Variants in PZP observed in about 807,000 individuals in gnomAD.
PZP encodes PZP alpha-2-macroglobulin like.
A neutral mutation model predicts 179.8 loss-of-function variants in PZP; 150 were observed. The ratio of observed to expected loss-of-function variants is 0.83; its 90% CI spans 0.73 to 0.96. PZP has a LOEUF of 0.96. Among genes scored for constraint, PZP ranks in the 40% least tolerant of loss-of-function variants. The pLI, the probability that PZP is intolerant of heterozygous loss-of-function variation, is 0.00. For missense variants in PZP, 1,689 were observed against 1,764.0 expected (o/e 0.96, Z 0.76); for synonymous variants, 624 against 652.3 (o/e 0.96, Z 0.66).
At chr12:9,155,086 A>G (rs1270718501) in intron 28 of PZP, among the ~76,000 whole-genome samples, 2 of 152,174 alleles carry the variant, frequency 1.3e-5, no homozygotes, top group Non-Finnish European at 2.9e-5. Context: ...AATCTCTCCA[A>G]TGTTATTTTA....
At chr12:9,153,933 A>C (rs1303826267) in intron 29 of PZP, among the ~76,000 whole-genome samples, 1 of 152,228 alleles carries the variant, frequency 6.6e-6, no homozygotes, top group African/African-American at 2.4e-5. Context: ...AGAAAAATAC[A>C]TTTTCAAGAG....
chr12:9,156,292 A>C (rs1487077427), intron 28 of PZP: 2 of 212,780 alleles, frequency 9.4e-6, no homozygotes, highest in African/African-American at 4.6e-5. Flanking sequence ...CATCTCCACC[A>C]ATAAGCGAGT....
intron 7 of PZP, among the ~76,000 whole-genome samples, chr12:9,200,153 C>T (rs962685024): frequency 7.2e-5 from 11 of 151,984 alleles, no homozygotes; most frequent in Admixed American, 1.3e-4. Flanking sequence ...TGAAACAATA[C>T]GGAAAGATGT....
intron 15 of PZP, among the ~76,000 whole-genome samples, chr12:9,175,172 C>G (rs1200445384): frequency 6.6e-6 from 1 of 152,144 alleles, no homozygotes; most frequent in African/African-American, 2.4e-5. Flanking sequence ...CTACAACCAT[C>G]TGATCTTTGA....
intron 15 of PZP, among the ~76,000 whole-genome samples, chr12:9,175,264 G>A (rs1423431056): frequency 6.6e-6 from 1 of 152,158 alleles, no homozygotes; most frequent in Non-Finnish European, 1.5e-5. Flanking sequence ...GCCTTATGCA[G>A]AAAATTGAAA....
In PZP at chr12:9,177,104, C is replaced by T. The variant is rs770002885; in HGVS notation, c.1839+3879G>A. Among the ~76,000 whole-genome samples, 150 of 152,266 alleles carry T rather than the reference C, an allele frequency of 9.9e-4. 1 individual carries two copies. The highest frequency in any genetic ancestry group is 3.5e-3 in the African/African-American group (147 of 41,546). On this transcript the variant is annotated intron_variant, in intron 15 of 35. Coordinates refer to ENST00000261336, the MANE Select transcript of PZP (RefSeq NM_002864.3). ...ATCTCTGCCTCCTGGTATTCATGCC[C>T]GAACATTGTTCGTCGCACAATGAAT... is the stretch of plus-strand genomic sequence containing the variant.
At chr12:9,161,741 G>A (rs138947609) in intron 22 of PZP, among the ~76,000 whole-genome samples, 44 of 152,286 alleles carry the variant, frequency 2.9e-4, no homozygotes, top group African/African-American at 1.0e-3. Flanking sequence ...TGTATACACT[G>A]TGGACATAGA....
intron 19 of PZP, 84 bp downstream of exon 19, chr12:9,165,055 G>A: frequency 6.8e-7 from 1 of 1,474,162 alleles, no homozygotes; most frequent in Non-Finnish European, 9.4e-7. Flanking sequence ...ATTATCCTTA[G>A]TCTCAGGAAC....
At position 9,165,302 on chromosome 12, in the gene PZP, G is replaced by C. The variant is rs755733989; in HGVS notation, c.2324C>G (p.Ala775Gly). The change falls in exon 19 of 36, where the codon GCC (alanine) becomes GGC (glycine). Residue 775 changes from alanine to glycine, a missense_variant. Transcript: ENST00000261336. ...PDTITEWKAG[A>G]FCLSEDAGLG... ...TCCAGCATCTTCGGACAGGCAGAAG[G>C]CCCCTGCCTTCCACTCGGTGATGGT... 6.2e-7 allele frequency: 1 copy of C among 1,614,120 alleles called. No homozygotes were observed. The highest frequency in any genetic ancestry group is 1.7e-5 in the Admixed American group (1 of 60,026).
downstream of PZP, among the ~76,000 whole-genome samples, chr12:9,145,785 C>T (rs148801011): frequency 2.4e-3 from 373 of 152,254 alleles, 5 homozygotes; most frequent in African/African-American, 8.7e-3. Flanking sequence ...TATTACTCCT[C>T]CATTTTTGAT....
intron 29 of PZP, 85 bp from the exon 30 acceptor site, chr12:9,153,428 T>C (rs558290504): frequency 9.0e-7 from 1 of 1,116,426 alleles, no homozygotes; most frequent in African/African-American, 1.6e-5. Flanking sequence ...TAGCCTACCA[T>C]GAGGGAAGCT....
At chr12:9,193,162 A>T (rs1009702359) in intron 11 of PZP, among the ~76,000 whole-genome samples, 2 of 152,208 alleles carry the variant, frequency 1.3e-5, no homozygotes, top group African/African-American at 4.8e-5. Flanking sequence ...AATCCTTAGT[A>T]AATTAGCATT....
At position 9,165,249 on chromosome 12, in the gene PZP, G is replaced by A. The variant is rs775099922; in HGVS notation, c.2377C>T (p.Arg793Ter). ...TCCACAAAGAAGGGCTGGAAGGCTCGGAGAGAGGCAGTGGAAGAGATACCA... is the reference window on the plus strand; with the variant it reads ...TCCACAAAGAAGGGCTGGAAGGCTCAGAGAGAGGCAGTGGAAGAGATACCA... ...GLGISSTASL[R>*]AFQPFFVELT... Residue 793 changes from arginine (R) to a stop codon, truncating the protein, a stop_gained, in exon 19 of 36, where the codon CGA becomes TGA. Transcript: ENST00000261336. LOFTEE classifies it high-confidence loss of function. 28 of 1,614,030 alleles carry A rather than the reference G, an allele frequency of 1.7e-5. No homozygotes were observed. The highest frequency in any genetic ancestry group is 9.9e-5 in the South Asian group (9 of 91,088).
intron 2 of PZP, 136 bp downstream of exon 2, chr12:9,203,632 C>T: frequency 9.7e-7 from 1 of 1,030,414 alleles, no homozygotes; most frequent in Non-Finnish European, 1.4e-6. Context: ...TGAGCCACCG[C>T]ACCTGGCCCC....
At chr12:9,198,043 AAC>A (rs1211698708) in intron 7 of PZP, among the ~76,000 whole-genome samples, 1 of 91,626 alleles carries the variant, frequency 1.1e-5, no homozygotes, top group Non-Finnish European at 2.2e-5. Flanking sequence ...TATATATGCA[AAC>A]ATATATATAT....
intron 13 of PZP, among the ~76,000 whole-genome samples, chr12:9,189,150 A>T (rs1392622821): frequency 6.6e-6 from 1 of 152,190 alleles, no homozygotes; most frequent in African/African-American, 2.4e-5. Context: ...AAAACTATTT[A>T]AAAATGTATA....
At chr12:9,173,309 G>C (rs1942126363) in intron 15 of PZP, among the ~76,000 whole-genome samples, 2 of 152,194 alleles carry the variant, frequency 1.3e-5, no homozygotes, top group African/African-American at 4.8e-5. Context: ...CAATCTCTGG[G>C]ATGCAGCTAA....
chr12:9,185,480 T>C (rs1302264531), intron 13 of PZP, among the ~76,000 whole-genome samples: 1 of 152,180 alleles, frequency 6.6e-6, no homozygotes, highest in Non-Finnish European at 1.5e-5. Flanking sequence ...TTGAAAGAGA[T>C]GAGCATAATG....
intron 7 of PZP, among the ~76,000 whole-genome samples, chr12:9,198,888 G>A (rs995417838): frequency 2.6e-5 from 4 of 152,176 alleles, no homozygotes; most frequent in Non-Finnish European, 5.9e-5. Context: ...CAGAGATCTA[G>A]GCGTTTTGGT....
Sources: gnomAD v4.1 joint callset for allele counts (sites outside exome capture counted in the v4.1 genomes callset) on GRCh38, gnomAD v4.1.1 for gene constraint, MANE v1.5 for transcripts, NCBI Gene and HGNC (gene_info 2026-07-23, HGNC 2026-07-21) for gene names.